The following PTGER4 variants were observed in gnomAD, a reference collection of about 807,000 sequenced individuals.
PTGER4 encodes prostaglandin E2 receptor EP4 subtype.
PTGER4 carries 11 observed loss-of-function variants against 33.2 expected under a neutral mutation model. The ratio of observed to expected loss-of-function variants is 0.33; its 90% CI spans 0.21 to 0.55. The LOEUF is 0.55. Ranked by LOEUF, PTGER4 falls within the 20% of genes least tolerant of loss-of-function variation. The pLI, the probability that PTGER4 is intolerant of heterozygous loss-of-function variation, is 0.92. For missense variants in PTGER4, 481 were observed against 650.2 expected (o/e 0.74, Z 2.83); for synonymous variants, 275 against 281.5 (o/e 0.98, Z 0.23).
Position 40,679,959 on chromosome 5 carries a change from C to A in PTGER4, c.-563C>A. ...GAGCGGAGCTCCAAGCCCGGCAGCCCGAGAGGAAGATGAACAGCCCCAGGC... is the reference window on the plus strand; with the variant it reads ...GAGCGGAGCTCCAAGCCCGGCAGCCAGAGAGGAAGATGAACAGCCCCAGGC... On this transcript the variant is annotated 5_prime_UTR_variant, in exon 1 of 3. Coordinates refer to ENST00000302472, the MANE Select transcript of PTGER4 (RefSeq NM_000958.3). The A allele has an allele frequency of 6.5e-6, 1 of 152,750 alleles. No individual in the cohort carries two copies. Among genetic ancestry groups the A allele is most frequent in the Non-Finnish European group, 1.5e-5 (1 of 68,320 alleles). 9.5% of individuals were successfully genotyped at this position (152,750 alleles called of 1,614,324 possible). A position where few individuals can be genotyped will look rare whatever the true frequency, so the allele number is the denominator to read the frequency against.
the PTGER4 span, among the ~76,000 whole-genome samples, chr5:40,726,472 T>A: frequency 1.3e-5 from 2 of 151,724 alleles, no homozygotes; most frequent in Admixed American, 1.3e-4. Context: ...CTTTTTTTTT[T>A]ACCATTCTAG....
At chr5:40,722,533 T>C in the PTGER4 span, among the ~76,000 whole-genome samples, 14 of 148,806 alleles carry the variant, frequency 9.4e-5, no homozygotes, top group Non-Finnish European at 1.8e-4. Flanking sequence ...GTCTGGAATG[T>C]GAGGAGCGCC....
chr5:40,700,499 T>C, the PTGER4 span, among the ~76,000 whole-genome samples: 30 of 152,294 alleles, frequency 2.0e-4, no homozygotes, highest in South Asian at 6.0e-3. Context: ...CCAGTCCATC[T>C]CCCATGGGTT....
the PTGER4 span, among the ~76,000 whole-genome samples, chr5:40,720,057 C>G: frequency 7.8e-3 from 1,186 of 152,188 alleles, 12 homozygotes; most frequent in African/African-American, 0.026. Context: ...CAATTTTTAT[C>G]TACTTTTTTC....
the PTGER4 span, among the ~76,000 whole-genome samples, chr5:40,735,613 A>G: frequency 6.6e-6 from 1 of 152,216 alleles, no homozygotes; most frequent in Non-Finnish European, 1.5e-5. Context: ...TACAAGGTCT[A>G]TGTTAAGCTG....
the PTGER4 span, among the ~76,000 whole-genome samples, chr5:40,705,668 C>T: frequency 6.6e-6 from 1 of 152,060 alleles, no homozygotes; most frequent in African/African-American, 2.4e-5. Context: ...GGGCAAAGGA[C>T]ATGAACAGAC....
chr5:40,730,659 G>A, the PTGER4 span, among the ~76,000 whole-genome samples: 1 of 152,116 alleles, frequency 6.6e-6, no homozygotes, highest in Non-Finnish European at 1.5e-5. Flanking sequence ...AGGAGGAGCA[G>A]TCATGTACTT....
the PTGER4 span, among the ~76,000 whole-genome samples, chr5:40,722,655 C>G: frequency 6.7e-6 from 1 of 149,824 alleles, no homozygotes; most frequent in Admixed American, 6.6e-5. Context: ...GGAAGTGAGG[C>G]GTGTCTCCGC....
the PTGER4 span, among the ~76,000 whole-genome samples, chr5:40,710,307 C>T: frequency 6.6e-6 from 1 of 152,136 alleles, no homozygotes; most frequent in Non-Finnish European, 1.5e-5. Context: ...ATTTATGCAG[C>T]CAAAGGACAC....
chr5:40,743,570 C>T, the PTGER4 span, among the ~76,000 whole-genome samples: 1 of 151,592 alleles, frequency 6.6e-6, no homozygotes, highest in Non-Finnish European at 1.5e-5. Context: ...GTCAGGGGTT[C>T]AAGACCAGCC....
chr5:40,728,896 A>G, the PTGER4 span, among the ~76,000 whole-genome samples: 1 of 152,204 alleles, frequency 6.6e-6, no homozygotes, highest in South Asian at 2.1e-4. Context: ...TTATGTTATA[A>G]AAAGTATTTA....
chr5:40,716,260 A>G, the PTGER4 span: 21 of 1,614,220 alleles, frequency 1.3e-5, no homozygotes, highest in Non-Finnish European at 1.7e-5. Context: ...ATTTGCTGAA[A>G]CTGTCTTCTC....
chr5:40,700,343 C>G, the PTGER4 span, among the ~76,000 whole-genome samples: 1 of 152,248 alleles, frequency 6.6e-6, no homozygotes, highest in Admixed American at 6.5e-5. Flanking sequence ...ACTCCCTGGA[C>G]AGAGCCTCCA....
the PTGER4 span, among the ~76,000 whole-genome samples, chr5:40,742,620 AAAC>A: frequency 6.6e-6 from 1 of 152,180 alleles, no homozygotes; most frequent in Non-Finnish European, 1.5e-5. Flanking sequence ...TCTGTACACA[AAAC>A]AACAGGGGAA....
At chr5:40,699,490 T>G in the PTGER4 span, among the ~76,000 whole-genome samples, 1 of 152,086 alleles carries the variant, frequency 6.6e-6, no homozygotes, top group Non-Finnish European at 1.5e-5. Flanking sequence ...TGAAAATACT[T>G]CTCAACATTT....
rs1377154640 is a variant in PTGER4, at chr5:40,683,470, A to T, written c.867+1610A>T. 6.6e-6 allele frequency among the ~76,000 whole-genome samples: 1 copy of T among 152,234 alleles called. No homozygotes were observed. The highest frequency in any genetic ancestry group is 1.5e-5 in the Non-Finnish European group (1 of 68,036). On this transcript the variant is annotated intron_variant, in intron 2 of 2. Transcript: ENST00000302472. The surrounding 1 kb of genome is among the most constrained non-coding windows in gnomAD (Gnocchi z 4.2). ...AATAAAGTGAGATTTTGGAAGAAAC[A>T]ACACTGCTCCTGATGGGGCCCCTGT... is the stretch of plus-strand genomic sequence containing the variant.
the PTGER4 span, among the ~76,000 whole-genome samples, chr5:40,739,917 A>G: frequency 6.6e-6 from 1 of 152,120 alleles, no homozygotes; most frequent in Non-Finnish European, 1.5e-5. Context: ...TAGATTTGGG[A>G]ATAATACTAC....
At chr5:40,707,724 A>G in the PTGER4 span, among the ~76,000 whole-genome samples, 2 of 152,200 alleles carry the variant, frequency 1.3e-5, no homozygotes, top group Non-Finnish European at 2.9e-5. Context: ...TCAACAGAAT[A>G]CACATTATTC....
chr5:40,681,829 T>A lies in PTGER4; in HGVS notation c.836T>A (p.Leu279Gln). ...GTCATCTTACTCATTGCCACCTCCC[T>A]GGTGGTGCTCATCTGCTCCATCCCG... ...QMVILLIATS[L>Q]VVLICSIPLV... Residue 279 changes from leucine to glutamine, a missense_variant, in exon 2 of 3, where the codon CTG (leucine) becomes CAG (glutamine). By Grantham distance (113) the Leu-to-Gln change is moderately radical (BLOSUM62 -2). Transcript: ENST00000302472. This position sits in a 1 kb window ranked among gnomAD's most constrained non-coding sequence, Gnocchi z 9.8. 2 of 1,571,460 alleles carry A rather than the reference T, an allele frequency of 1.3e-6. No homozygotes were observed. Among genetic ancestry groups the A allele is most frequent in the Non-Finnish European group, 1.7e-6 (2 of 1,162,832 alleles).
Sources: gnomAD v4.1 joint callset for allele counts (sites outside exome capture counted in the v4.1 genomes callset) on GRCh38, gnomAD v4.1.1 for gene constraint, Gnocchi (gnomAD v3.1) non-coding constraint, MANE v1.5 for transcripts, NCBI Gene and HGNC (gene_info 2026-07-23, HGNC 2026-07-21) for gene names.